The following FOXJ3 variants were observed in gnomAD, a reference collection of about 807,000 sequenced individuals.
FOXJ3 encodes forkhead box protein J3.
In FOXJ3, 22 loss-of-function variants were observed where a neutral mutation model predicts 76.1. The observed-to-expected ratio is 0.29, with a 90% CI of 0.21 to 0.41. The LOEUF (loss-of-function observed/expected upper bound fraction) is 0.41. Among genes scored for constraint, FOXJ3 ranks in the 10% least tolerant of loss-of-function variants. FOXJ3 has a pLI of 1.00. For synonymous variants in FOXJ3, 269 were observed against 261.2 expected (o/e 1.03, Z -0.29); for missense variants, 613 against 762.1 (o/e 0.80, Z 2.30).
intron 3 of FOXJ3, among the ~76,000 whole-genome samples, chr1:42,265,855 A>G (rs1298076439): frequency 6.6e-6 from 1 of 152,202 alleles, no homozygotes; most frequent in Non-Finnish European, 1.5e-5. Flanking sequence ...TCTTCATTGT[A>G]GCAGGGAAGA....
chr1:42,226,067 A>G (rs343368), intron 5 of FOXJ3, among the ~76,000 whole-genome samples: 111,406 of 152,074 alleles, frequency 0.73, 41,006 homozygotes, highest in Admixed American at 0.81. Context: ...ATTGTTTAAC[A>G]ATGCTATGTG....
intron 2 of FOXJ3, among the ~76,000 whole-genome samples, chr1:42,288,041 C>T (rs1328458268): frequency 6.6e-6 from 1 of 152,126 alleles, no homozygotes; most frequent in Non-Finnish European, 1.5e-5. Context: ...ATATTTTATG[C>T]TATAATTCTC....
chr1:42,252,472 C>T (rs1650172998), intron 4 of FOXJ3, among the ~76,000 whole-genome samples: 3 of 151,904 alleles, frequency 2.0e-5, no homozygotes, highest in South Asian at 2.1e-4. Flanking sequence ...TGGTGATATC[C>T]CTTTATCATT....
chr1:42,334,486 A>C (rs1334810750), intron 1 of FOXJ3, among the ~76,000 whole-genome samples: 2 of 151,892 alleles, frequency 1.3e-5, no homozygotes, highest in Admixed American at 6.6e-5. Flanking sequence ...ACACGTCCGC[A>C]TGGAACGGCT....
intron 9 of FOXJ3, among the ~76,000 whole-genome samples, chr1:42,190,514 C>T (rs1231836672): frequency 6.6e-6 from 1 of 152,200 alleles, no homozygotes; most frequent in Non-Finnish European, 1.5e-5. Flanking sequence ...GTCTACCAGA[C>T]TCAGATCCTT....
At chr1:42,227,807 TG>T in intron 5 of FOXJ3, 75 bp downstream of exon 5, 1 of 756,992 alleles carries the variant, frequency 1.3e-6, no homozygotes, top group South Asian at 2.6e-5. Context: ...TGTGCTAGAC[TG>T]GAAAAGAACT....
rs763974159 is a variant in FOXJ3, at chr1:42,227,919, A to T, written c.492T>A (p.Pro164=). 1.3e-6 allele frequency: 2 copies of T among 1,582,180 alleles called. No individual in the cohort carries two copies. Among genetic ancestry groups the T allele is most frequent in the East Asian group, 4.5e-5 (2 of 44,626 alleles). The change falls in exon 5 of 13, where the codon CCT becomes CCA. Residue 164 remains proline (P), a synonymous_variant. Transcript: ENST00000361346. ...ATCGTGCCCTCTTCTTTGGCCGAGT[A>T]GGCAGCACATCTTCCTTCGGATTGG... The part of the protein sequence containing the change: ...IDTNPKEDVL[P]TRPKKRARSV...
At chr1:42,290,838 T>C (rs1232466196) in intron 2 of FOXJ3, among the ~76,000 whole-genome samples, 2 of 152,146 alleles carry the variant, frequency 1.3e-5, no homozygotes, top group Admixed American at 6.6e-5. Flanking sequence ...TGGTAATTTG[T>C]AAATATGAAT....
chr1:42,335,868 C>T (rs1014431239), upstream of FOXJ3: 6 of 152,074 alleles, frequency 3.9e-5, no homozygotes, highest in African/African-American at 1.5e-4. Flanking sequence ...AAGGTAGCTA[C>T]CCAGGTTATG....
chr1:42,231,450 T>C (rs1648106965), intron 4 of FOXJ3, among the ~76,000 whole-genome samples: 1 of 152,052 alleles, frequency 6.6e-6, no homozygotes, highest in African/African-American at 2.4e-5. Flanking sequence ...AAGAGTAAAA[T>C]GATGGTTGGT....
intron 4 of FOXJ3, among the ~76,000 whole-genome samples, chr1:42,256,508 T>G (rs1316213278): frequency 7.4e-6 from 1 of 135,530 alleles, no homozygotes; most frequent in Non-Finnish European, 1.6e-5. Context: ...AAAATTCAAA[T>G]CAAAACCATG....
In FOXJ3 at chr1:42,188,910, C is replaced by T; in HGVS notation, c.1472G>A (p.Arg491Lys). The T allele has an allele frequency of 6.2e-7, 1 of 1,607,496 alleles. No homozygotes were observed. The highest frequency in any genetic ancestry group is 8.5e-7 in the Non-Finnish European group (1 of 1,175,872). ...SQFQGLMESM[R>K]QADLKNWSLD... ...AGACCAGTTCTTGAGATCTGCCTGT[C>T]TCATACTCTCCATCAGACCTATGAG... Residue 491 changes from arginine (R) to lysine (K), a missense_variant, in exon 11 of 13, where the codon AGA becomes AAA. Around this residue, in one of 3 missense-constraint regions of FOXJ3, gnomAD observed 526 missense variants for 601.4 expected, o/e 0.87. Transcript: ENST00000361346.
At position 42,227,921 on chromosome 1, in the gene FOXJ3, G is replaced by A; in HGVS notation, c.490C>T (p.Pro164Ser). 1 of 1,581,300 alleles carries A rather than the reference G, an allele frequency of 6.3e-7. No individual in the cohort carries two copies. The highest frequency in any genetic ancestry group is 8.6e-7 in the Non-Finnish European group (1 of 1,156,870). The part of the protein sequence containing the change: ...IDTNPKEDVL[P>S]TRPKKRARSV... ...CGTGCCCTCTTCTTTGGCCGAGTAG[G>A]CAGCACATCTTCCTTCGGATTGGTG... is the stretch of plus-strand genomic sequence containing the variant. Residue 164 changes from proline to serine, a missense_variant, in exon 5 of 13, where the codon CCT becomes TCT. Physicochemically the swap from Pro to Ser is moderately conservative, Grantham distance 74. Transcript: ENST00000361346.
rs1241818104 is a variant in FOXJ3 at position 42,262,819 on chromosome 1, A to G, written c.444+2296T>C. Among the ~76,000 whole-genome samples the G allele has an allele frequency of 3.9e-5, 6 of 152,372 alleles. No individual in the cohort carries two copies. The East Asian group carries it at 1.2e-3, about 29-fold the overall frequency. On this transcript the variant is annotated intron_variant, in intron 4 of 12. Transcript: ENST00000361346. The stretch of plus-strand genomic sequence containing the variant: ...AGCTGAGACTGCACCACTGCACTCC[A>G]GCCTGGGCAACAGAGTGAGACTCCG...
intron 5 of FOXJ3, among the ~76,000 whole-genome samples, chr1:42,217,607 T>C (rs1326966907): frequency 6.6e-6 from 1 of 152,108 alleles, no homozygotes; most frequent in Non-Finnish European, 1.5e-5. Flanking sequence ...CATGTCTCTA[T>C]GCTGAGAACC....
chr1:42,277,004 CTCAG>C (rs1226128334), intron 3 of FOXJ3, among the ~76,000 whole-genome samples: 2 of 152,176 alleles, frequency 1.3e-5, no homozygotes, highest in Non-Finnish European at 2.9e-5. Flanking sequence ...AGCCACCATG[CTCAG>C]TCAATTTCTT....
intron 5 of FOXJ3, among the ~76,000 whole-genome samples, chr1:42,207,353 G>A (rs1453262957): frequency 1.3e-5 from 2 of 152,068 alleles, no homozygotes; most frequent in East Asian, 1.9e-4. Flanking sequence ...GCAACTGAAC[G>A]ATCCCCTAAA....
intron 1 of FOXJ3, among the ~76,000 whole-genome samples, chr1:42,321,529 G>A (rs942338810): frequency 2.6e-5 from 4 of 152,048 alleles, no homozygotes; most frequent in Non-Finnish European, 5.9e-5. Context: ...TAGAAAGGTA[G>A]GAAACAGAAG....
chr1:42,329,934 T>C (rs994634608), intron 1 of FOXJ3, among the ~76,000 whole-genome samples: 4 of 152,150 alleles, frequency 2.6e-5, no homozygotes, highest in Non-Finnish European at 5.9e-5. Flanking sequence ...AGCCACAGAG[T>C]TCTGAAAATA....
Sources: allele counts gnomAD v4.1 joint callset (sites outside exome capture counted in the v4.1 genomes callset), GRCh38; gene constraint gnomAD v4.1.1; regional missense constraint gnomAD v4.1.1; transcripts MANE v1.5; gene names NCBI Gene and HGNC (gene_info 2026-07-23, HGNC 2026-07-21).